The following IL15RA variants were observed in gnomAD, a reference collection of about 807,000 sequenced individuals.
IL15RA encodes the protein interleukin-15 receptor subunit alpha.
In IL15RA, 26 loss-of-function variants were observed where a neutral mutation model predicts 24.2. That is an observed-to-expected ratio of 1.07 (90% CI 0.79 to 1.49). The LOEUF (loss-of-function observed/expected upper bound fraction) is 1.49. Ranked by LOEUF, IL15RA falls within the 40% of genes most tolerant of loss-of-function variation. The pLI is 0.00. For missense variants in IL15RA, 354 were observed against 356.4 expected (o/e 0.99, Z 0.05); for synonymous variants, 166 against 157.6 (o/e 1.05, Z -0.40).
Position 5,968,961 on chromosome 10 carries a change from G to T in IL15RA, c.89-2622C>A. 6.5e-7 allele frequency: 1 copy of T among 1,534,956 alleles called. No homozygotes were observed. The highest frequency in any genetic ancestry group is 8.7e-7 in the Non-Finnish European group (1 of 1,146,344). ...AGGTTTTGTACAGGAAGTGTTCCCT[G>T]CCCATTTCCAGCAGCCGTGGACCTC... On this transcript the variant is annotated intron_variant, in intron 1 of 6. Coordinates refer to ENST00000379977, the MANE Select transcript of IL15RA (RefSeq NM_002189.4). This position sits in a 1 kb window ranked among gnomAD's most constrained non-coding sequence, Gnocchi z 5.4.
At position 5,971,331 on chromosome 10, in the gene IL15RA, A is replaced by G. The variant is rs1837572079; in HGVS notation, c.89-4992T>C. On this transcript the variant is annotated intron_variant, in intron 1 of 6. Coordinates refer to ENST00000379977, the MANE Select transcript of IL15RA (RefSeq NM_002189.4). The surrounding 1 kb of genome is among the most constrained non-coding windows in gnomAD (Gnocchi z 5.5). ...ACTCTGAAGTAGCCAAAAAACATAT[A>G]CAACAAGTCCTAACGATCATTTAAA... Among the ~76,000 whole-genome samples, 1 of 152,264 alleles carries G rather than the reference A, an allele frequency of 6.6e-6. No homozygotes were observed. The highest frequency in any genetic ancestry group is 2.4e-5 in the African/African-American group (1 of 41,466).
intron 1 of IL15RA, chr10:5,969,059 A>C: frequency 4.1e-6 from 5 of 1,210,334 alleles, no homozygotes; most frequent in Non-Finnish European, 5.8e-6. Context: ...TCACCAATCG[A>C]TTCCATCGAT....
chr10:5,957,116 C>A (rs1438230155), intron 5 of IL15RA, among the ~76,000 whole-genome samples: 1 of 151,322 alleles, frequency 6.6e-6, no homozygotes, highest in African/African-American at 2.4e-5. Flanking sequence ...CACACCACCA[C>A]GCCTGGCTAA....
Position 5,962,995 on chromosome 10 carries a change from C to T in IL15RA, c.382+748G>A, listed in dbSNP as rs187163307. 1.6e-4 allele frequency among the ~76,000 whole-genome samples: 25 copies of T among 152,316 alleles called. No individual in the cohort carries two copies. In the East Asian group the frequency reaches 3.3e-3, roughly 20 times the overall value. On this transcript the variant is annotated intron_variant, in intron 3 of 6. Transcript: ENST00000379977. This position sits in a 1 kb window ranked among gnomAD's most constrained non-coding sequence, Gnocchi z 5.2. ...ACAGGACACTGGCAGCTTCAGGCAG[C>T]GCCTCTATAATAGAGCAGTCACTGG...
downstream of IL15RA, chr10:5,949,446 G>T (rs1047705307): frequency 8.7e-6 from 4 of 458,830 alleles, no homozygotes; most frequent in Admixed American, 4.7e-5. This position sits in a 1 kb window ranked among gnomAD's most constrained non-coding sequence, Gnocchi z 4.4. Context: ...AGTGTGAGGT[G>T]GGGGAGGCTG....
intron 5 of IL15RA, 72 bp from the exon 6 acceptor site, chr10:5,956,526 T>C (rs535381902): frequency 5.9e-5 from 68 of 1,159,152 alleles, no homozygotes; most frequent in Non-Finnish European, 8.1e-5. Flanking sequence ...TTCTTTACCA[T>C]GGATGTTCTT....
At position 5,975,104 on chromosome 10, in the gene IL15RA, A is replaced by T. The variant is rs1158691400; in HGVS notation, c.88+2301T>A. Among the ~76,000 whole-genome samples the T allele has an allele frequency of 6.6e-6, 1 of 151,976 alleles. No individual in the cohort carries two copies. Among genetic ancestry groups the T allele is most frequent in the East Asian group, 1.9e-4 (1 of 5,188 alleles). ...TTCTCTACCCATGAGAAATGAAAACATGTGTCCATACAGAAACCTGTATGT... is the reference window on the plus strand; with the variant it reads ...TTCTCTACCCATGAGAAATGAAAACTTGTGTCCATACAGAAACCTGTATGT... On this transcript the variant is annotated intron_variant, in intron 1 of 6. Transcript: ENST00000379977. This position sits in a 1 kb window ranked among gnomAD's most constrained non-coding sequence, Gnocchi z 4.8.
rs1018210836 is a variant in IL15RA at position 5,953,702 on chromosome 10, A to G, written c.693-496T>C. ...GAGTGACTGGGAGCCTAGCCAAACC[A>G]GAGTTGATCATCTTGAAAAAAGTGA... On this transcript the variant is annotated intron_variant, in intron 6 of 6. Coordinates refer to ENST00000379977, the MANE Select transcript of IL15RA (RefSeq NM_002189.4). This position sits in a 1 kb window ranked among gnomAD's most constrained non-coding sequence, Gnocchi z 5.3. The G allele has an allele frequency of 1.8e-5, 5 of 284,068 alleles. No homozygotes were observed. Among genetic ancestry groups the G allele is most frequent in the Non-Finnish European group, 3.3e-5 (5 of 151,742 alleles). 17.6% of individuals were successfully genotyped at this position (284,068 alleles called of 1,614,324 possible). A position where few individuals can be genotyped will look rare whatever the true frequency, so the allele number is the denominator to read the frequency against.
At chr10:5,974,032 C>T (rs555232616) in intron 1 of IL15RA, among the ~76,000 whole-genome samples, 2 of 152,148 alleles carry the variant, frequency 1.3e-5, no homozygotes, top group African/African-American at 4.8e-5. Context: ...GACAGTCTCG[C>T]TCTGTGTCCC....
intron 6 of IL15RA, 148 bp downstream of exon 6, chr10:5,956,231 T>C (rs1253937028): frequency 1.1e-5 from 7 of 633,486 alleles, no homozygotes; most frequent in African/African-American, 3.6e-5. Context: ...GCCAGGCTGG[T>C]CTCAAACTCC....
Position 5,968,523 on chromosome 10 carries a change from A to C in IL15RA, c.89-2184T>G. 1 of 508,842 alleles carries C rather than the reference A, an allele frequency of 2.0e-6. No homozygotes were observed. The highest frequency in any genetic ancestry group is 2.3e-5 in the South Asian group (1 of 43,100). The allele number at this position is 508,842 out of a possible 1,614,324, so 31.5% of individuals were successfully genotyped here. On this transcript the variant is annotated intron_variant, in intron 1 of 6. Coordinates refer to ENST00000379977, the MANE Select transcript of IL15RA (RefSeq NM_002189.4). The surrounding 1 kb of genome is among the most constrained non-coding windows in gnomAD (Gnocchi z 5.4). Reference sequence around the variant, plus strand: ...TGAGGACACATCTTCTGCTAAGCTGATGGCGTGAGAGATGGAGTCGATCTC... The same window carrying C: ...TGAGGACACATCTTCTGCTAAGCTGCTGGCGTGAGAGATGGAGTCGATCTC...
Position 5,966,203 on chromosome 10 carries a change from G to A in IL15RA, c.225C>T (p.Cys75=), listed in dbSNP as rs768344595. The change falls in exon 2 of 7, where the codon TGC becomes TGT. Residue 75 remains cysteine, a synonymous_variant. Transcript: ENST00000379977. This position sits in a 1 kb window ranked among gnomAD's most constrained non-coding sequence, Gnocchi z 6.4. ...RKAGTSSLTE[C]VLNKATNVAH... ...CGACATTCGTGGCCTTGTTCAACACGCACTCCGTCAGGCTGGACGTGCCGG... is the reference window on the plus strand; with the variant it reads ...CGACATTCGTGGCCTTGTTCAACACACACTCCGTCAGGCTGGACGTGCCGG... The A allele has an allele frequency of 1.5e-5, 24 of 1,613,872 alleles. No individual in the cohort carries two copies. The highest frequency in any genetic ancestry group is 9.9e-5 in the South Asian group (9 of 91,068).
Position 5,966,085 on chromosome 10 carries a change from C to G in IL15RA, c.283+60G>C. 8.2e-7 allele frequency: 1 copy of G among 1,221,222 alleles called. No homozygotes were observed. The highest frequency in any genetic ancestry group is 1.2e-6 in the Non-Finnish European group (1 of 839,016). The allele number at this position is 1,221,222 out of a possible 1,614,324, so 75.6% of individuals were successfully genotyped here. A position where few individuals can be genotyped will look rare whatever the true frequency, so the allele number is the denominator to read the frequency against. ...CTTGACCCCTGAGATGGGGTCTTCT[C>G]TCTGTGCAGCCTTGGCAGGGTGGGG... On this transcript the variant is annotated intron_variant, in intron 2 of 6. Coordinates refer to ENST00000379977, the MANE Select transcript of IL15RA (RefSeq NM_002189.4). The surrounding 1 kb of genome is among the most constrained non-coding windows in gnomAD (Gnocchi z 6.4).
chr10:5,976,463 G>A (rs996085337), intron 1 of IL15RA, among the ~76,000 whole-genome samples: 7 of 152,166 alleles, frequency 4.6e-5, no homozygotes, highest in Admixed American at 4.6e-4. Flanking sequence ...GGCCTTCAGT[G>A]GGGCTTTGAC....
In IL15RA at chr10:5,961,653, T is replaced by C. The variant is rs966595770; in HGVS notation, c.383-1086A>G. On this transcript the variant is annotated intron_variant, in intron 3 of 6. Coordinates refer to ENST00000379977, the MANE Select transcript of IL15RA (RefSeq NM_002189.4). This position sits in a 1 kb window ranked among gnomAD's most constrained non-coding sequence, Gnocchi z 5.2. ...TCTCAGGAACAGAGGCTGCCTTGTG[T>C]TCAGCGTCTTCCCTGTCTTCCTTGT... is the stretch of plus-strand genomic sequence containing the variant. 1.3e-5 allele frequency among the ~76,000 whole-genome samples: 2 copies of C among 152,244 alleles called. No homozygotes were observed. The highest frequency in any genetic ancestry group is 4.8e-5 in the African/African-American group (2 of 41,462).
chr10:5,968,031 C>T lies in IL15RA; in HGVS notation c.89-1692G>A, dbSNP rs1324945721. On this transcript the variant is annotated intron_variant, in intron 1 of 6. Coordinates refer to ENST00000379977, the MANE Select transcript of IL15RA (RefSeq NM_002189.4). The surrounding 1 kb of genome is among the most constrained non-coding windows in gnomAD (Gnocchi z 5.4). ...CCAAGATTGTGCCACTGCACTCGAG[C>T]CTGGGTGACAGAGCAAGAATCTGTC... 1.3e-5 allele frequency among the ~76,000 whole-genome samples: 2 copies of T among 152,074 alleles called. No individual in the cohort carries two copies. The highest frequency in any genetic ancestry group is 4.8e-5 in the African/African-American group (2 of 41,396).
rs1433279782 is a variant in IL15RA, at chr10:5,967,543, T to TC, written c.89-1205dup. ...CTTTGCAACTGCAAAGACACCTTAT[T>TC]CCCCATGAAGCATCATTTTCCCAAA... On this transcript the variant is annotated intron_variant, in intron 1 of 6. Transcript: ENST00000379977. The surrounding 1 kb of genome is among the most constrained non-coding windows in gnomAD (Gnocchi z 4.4). 6.6e-6 allele frequency among the ~76,000 whole-genome samples: 1 copy of TC among 152,140 alleles called. No individual in the cohort carries two copies. The highest frequency in any genetic ancestry group is 1.5e-5 in the Non-Finnish European group (1 of 68,018).
At position 5,968,387 on chromosome 10, in the gene IL15RA, T is replaced by G. The variant is rs1302312242; in HGVS notation, c.89-2048A>C. On this transcript the variant is annotated intron_variant, in intron 1 of 6. Coordinates refer to ENST00000379977, the MANE Select transcript of IL15RA (RefSeq NM_002189.4). This position sits in a 1 kb window ranked among gnomAD's most constrained non-coding sequence, Gnocchi z 5.4. ...AAATCTCAAATTCAAGATTGTTCTT[T>G]CCATTCAACTCCCATCCCAAAGCCT... 6.6e-6 allele frequency among the ~76,000 whole-genome samples: 1 copy of G among 152,096 alleles called. No homozygotes were observed. The highest frequency in any genetic ancestry group is 1.5e-5 in the Non-Finnish European group (1 of 68,022).
At position 5,955,248 on chromosome 10, in the gene IL15RA, C is replaced by A. The variant is rs1834359942; in HGVS notation, c.692+1131G>T. Among the ~76,000 whole-genome samples, 1 of 152,030 alleles carries A rather than the reference C, an allele frequency of 6.6e-6. No homozygotes were observed. Among genetic ancestry groups the A allele is most frequent in the African/African-American group, 2.4e-5 (1 of 41,386 alleles). ...CCTAGTAGCTGGCATTACAGGCATGCACCACCATGGCCTGCTTATTTTGTA... is the reference window on the plus strand; with the variant it reads ...CCTAGTAGCTGGCATTACAGGCATGAACCACCATGGCCTGCTTATTTTGTA... On this transcript the variant is annotated intron_variant, in intron 6 of 6. Coordinates refer to ENST00000379977, the MANE Select transcript of IL15RA (RefSeq NM_002189.4). This position sits in a 1 kb window ranked among gnomAD's most constrained non-coding sequence, Gnocchi z 5.3.
Sources: allele counts gnomAD v4.1 joint callset (sites outside exome capture counted in the v4.1 genomes callset), GRCh38; gene constraint gnomAD v4.1.1; non-coding constraint Gnocchi (gnomAD v3.1); transcripts MANE v1.5; gene names NCBI Gene and HGNC (gene_info 2026-07-23, HGNC 2026-07-21).